Variants in KAT2B observed in about 807,000 individuals in gnomAD.
KAT2B encodes histone acetyltransferase KAT2B.
A neutral mutation model predicts 105.9 loss-of-function variants in KAT2B; 36 were observed. The ratio of observed to expected loss-of-function variants is 0.34; its 90% confidence interval spans 0.26 to 0.45. KAT2B has a LOEUF of 0.45. KAT2B is among the 20% of genes least tolerant of loss of function. The probability of loss-of-function intolerance (pLI) is 1.00; values close to 1 mark genes in which losing one functional copy is unlikely to be tolerated. For missense variants in KAT2B, 820 were observed against 1,021.6 expected (o/e 0.80, Z 2.69); for synonymous variants, 397 against 377.9 (o/e 1.05, Z -0.59).
intron 17 of KAT2B, among the ~76,000 whole-genome samples, chr3:20,151,993 A>G (rs148562347): frequency 6.2e-4 from 95 of 152,234 alleles, no homozygotes; most frequent in Admixed American, 1.2e-3. Flanking sequence ...TCTTCTGTAT[A>G]ATTCTGACTG....
intron 2 of KAT2B, among the ~76,000 whole-genome samples, chr3:20,083,908 G>C (rs1300829533): frequency 6.6e-6 from 1 of 152,176 alleles, no homozygotes; most frequent in African/African-American, 2.4e-5. Context: ...TGATGGTGGT[G>C]CACCTATTTT....
rs113874624 is a variant in KAT2B at position 20,045,049 on chromosome 3, C to T, written c.303+4269C>T. Among the ~76,000 whole-genome samples, 635 of 152,198 alleles carry T rather than the reference C, an allele frequency of 4.2e-3. 1 individual carries two copies. The highest frequency in any genetic ancestry group is 0.014 in the African/African-American group (587 of 41,538). On this transcript the variant is annotated intron_variant, in intron 1 of 17. Transcript: ENST00000263754. Reference sequence around the variant, plus strand: ...TATTTTTTTGAGACAGGGTCTCGCTCTGTCACCCTGGCAGGAGTACAGTGG... The same window carrying T: ...TATTTTTTTGAGACAGGGTCTCGCTTTGTCACCCTGGCAGGAGTACAGTGG...
rs186227781 is a variant in KAT2B at position 20,075,396 on chromosome 3, A to G, written c.430+2937A>G. Among the ~76,000 whole-genome samples, 267 of 151,854 alleles carry G rather than the reference A, an allele frequency of 1.8e-3. 1 individual carries two copies. Among genetic ancestry groups the G allele is most frequent in the African/African-American group, 5.2e-3 (217 of 41,390 alleles). ...CAAGCAATTCTCCCACTCTCTGAAC[A>G]CTAGCTGGAGGTCCCATAATTCATT... On this transcript the variant is annotated intron_variant, in intron 2 of 17. Coordinates refer to ENST00000263754, the MANE Select transcript of KAT2B (RefSeq NM_003884.5).
intron 11 of KAT2B, among the ~76,000 whole-genome samples, chr3:20,128,053 G>A (rs1386708652): frequency 6.6e-6 from 1 of 152,210 alleles, no homozygotes; most frequent in Non-Finnish European, 1.5e-5. Flanking sequence ...GTATGTGTAT[G>A]TGTGTGAGGA....
intron 9 of KAT2B, among the ~76,000 whole-genome samples, chr3:20,124,156 G>T (rs1699358506): frequency 6.6e-6 from 1 of 152,066 alleles, no homozygotes. Flanking sequence ...TAGTTTTTTA[G>T]GGATTTAGTA....
At chr3:20,063,374 C>A (rs1216317901) in intron 1 of KAT2B, among the ~76,000 whole-genome samples, 1 of 150,860 alleles carries the variant, frequency 6.6e-6, no homozygotes, top group East Asian at 2.0e-4. Context: ...ATCCAAGACA[C>A]CATTGCCTGA....
At chr3:20,125,771 A>T (rs1247466543) in intron 9 of KAT2B, 134 bp from the exon 10 acceptor site, 2 of 676,968 alleles carry the variant, frequency 3.0e-6, no homozygotes, top group Non-Finnish European at 5.1e-6. Flanking sequence ...GTGTGCACAC[A>T]TGTGTATTTA....
chr3:20,132,600 C>T (rs977712379), intron 11 of KAT2B, among the ~76,000 whole-genome samples: 2 of 152,184 alleles, frequency 1.3e-5, no homozygotes, highest in African/African-American at 4.8e-5. Flanking sequence ...GTCACTGCCT[C>T]TCTAACCAAG....
intron 13 of KAT2B, among the ~76,000 whole-genome samples, chr3:20,145,776 C>G (rs1195884885): frequency 6.6e-6 from 1 of 152,076 alleles, no homozygotes; most frequent in African/African-American, 2.4e-5. Context: ...TATTATAGAG[C>G]TGCTTTTTTG....
At chr3:20,122,913 A>T (rs924141193) in intron 9 of KAT2B, 109 bp downstream of exon 9, 2 of 1,432,894 alleles carry the variant, frequency 1.4e-6, no homozygotes, top group Non-Finnish European at 1.8e-6. Context: ...ATGTTATGCT[A>T]CCCTGGTTTG....
At chr3:20,114,342 G>C (rs903440666) in intron 6 of KAT2B, among the ~76,000 whole-genome samples, 1 of 152,106 alleles carries the variant, frequency 6.6e-6, no homozygotes, top group Admixed American at 6.6e-5. Flanking sequence ...TATCTCATAG[G>C]GTCGTTATAA....
rs1417983371 is a variant in KAT2B, at chr3:20,119,574, C to G, written c.1151-24C>G. 1.9e-6 allele frequency: 3 copies of G among 1,613,276 alleles called. No homozygotes were observed. In the African/African-American group the frequency reaches 4.0e-5, roughly 22 times the overall value. On this transcript the variant is annotated intron_variant, in intron 7 of 17. Transcript: ENST00000263754. ...AAGAAAGGAGTCAGTCATCTAACAC[C>G]TTCTTCTCCTTTTGCCGGGGCAGTT... is the stretch of plus-strand genomic sequence containing the variant.
At chr3:20,071,641 G>A (rs557547871) in intron 1 of KAT2B, among the ~76,000 whole-genome samples, 1 of 152,230 alleles carries the variant, frequency 6.6e-6, no homozygotes, top group Non-Finnish European at 1.5e-5. Context: ...ACATAGGGAA[G>A]TGTGAAGAGT....
intron 11 of KAT2B, among the ~76,000 whole-genome samples, chr3:20,131,863 C>A (rs1699516681): frequency 6.6e-6 from 1 of 152,212 alleles, no homozygotes. Flanking sequence ...TGTGCCCAAC[C>A]ATAAACAGAC....
chr3:20,050,216 G>C (rs1192774645), intron 1 of KAT2B, among the ~76,000 whole-genome samples: 1 of 146,268 alleles, frequency 6.8e-6, no homozygotes, highest in East Asian at 2.0e-4. Flanking sequence ...AAAAAAAAAA[G>C]ATTTAGAAGT....
chr3:20,045,240 A>G (rs999348012), intron 1 of KAT2B, among the ~76,000 whole-genome samples: 18 of 151,484 alleles, frequency 1.2e-4, no homozygotes, highest in African/African-American at 3.6e-4. Flanking sequence ...CTGGTTTCCA[A>G]CTCCTGGGCT....
intron 2 of KAT2B, among the ~76,000 whole-genome samples, chr3:20,093,426 G>A (rs1341498148): frequency 6.6e-6 from 1 of 152,160 alleles, no homozygotes; most frequent in East Asian, 1.9e-4. Context: ...AGGTGGCAGA[G>A]TAGGTTACAG....
chr3:20,096,790 C>G (rs1481610697), intron 3 of KAT2B, among the ~76,000 whole-genome samples: 1 of 152,088 alleles, frequency 6.6e-6, no homozygotes, highest in Non-Finnish European at 1.5e-5. Flanking sequence ...TTATTTGATT[C>G]ATAATTTTGC....
At position 20,152,605 on chromosome 3, in the gene KAT2B, G is replaced by C; in HGVS notation, c.*80G>C. Reference sequence around the variant, plus strand: ...GTGGTTTAGTTTTTTACAAAGAATTGGACATGATGTATTGAAGAGACTTGT... The same window carrying C: ...GTGGTTTAGTTTTTTACAAAGAATTCGACATGATGTATTGAAGAGACTTGT... On this transcript the variant is annotated 3_prime_UTR_variant, in exon 18 of 18. Transcript: ENST00000263754. 1 of 1,134,804 alleles carries C rather than the reference G, an allele frequency of 8.8e-7. No individual in the cohort carries two copies. The highest frequency in any genetic ancestry group is 1.3e-6 in the Non-Finnish European group (1 of 784,984). The allele number at this position is 1,134,804 out of a possible 1,614,324, so 70.3% of individuals were successfully genotyped here. A position where few individuals can be genotyped will look rare whatever the true frequency, so the allele number is the denominator to read the frequency against.
Sources: gnomAD v4.1 joint callset for allele counts (sites outside exome capture counted in the v4.1 genomes callset) on GRCh38, gnomAD v4.1.1 for gene constraint, MANE v1.5 for transcripts, NCBI Gene and HGNC (gene_info 2026-07-23, HGNC 2026-07-21) for gene names.